The following GABBR2 variants were observed in gnomAD, a reference collection of about 807,000 sequenced individuals.
The protein encoded by GABBR2 is gamma-aminobutyric acid type B receptor subunit 2.
In GABBR2, 23 loss-of-function variants were observed where a neutral mutation model predicts 105.6. The ratio of observed to expected loss-of-function variants is 0.22; its 90% CI spans 0.16 to 0.31. The LOEUF (loss-of-function observed/expected upper bound fraction) is 0.31, where lower values mean the gene tolerates loss of function less well. Ranked by LOEUF, GABBR2 falls within the 10% of genes least tolerant of loss-of-function variation. The pLI is 1.00. For synonymous variants in GABBR2, 478 were observed against 499.7 expected, an observed-to-expected ratio of 0.96 and a Z score of 0.58; for missense variants, 734 against 1,245.5, an observed-to-expected ratio of 0.59 and a Z score of 6.18.
At chr9:98,686,295 C>T (rs1830619791) in intron 1 of GABBR2, among the ~76,000 whole-genome samples, 1 of 152,172 alleles carries the variant, frequency 6.6e-6, no homozygotes, top group South Asian at 2.1e-4. Flanking sequence ...TGGGGTATGG[C>T]TCGCCACTGG....
intron 7 of GABBR2, among the ~76,000 whole-genome samples, chr9:98,439,154 T>C (rs1825985951): frequency 6.6e-6 from 1 of 152,204 alleles, no homozygotes; most frequent in Non-Finnish European, 1.5e-5. Flanking sequence ...GCTGGTTATA[T>C]TTTTACAGTG....
At chr9:98,405,809 T>A (rs1440205844) in intron 8 of GABBR2, among the ~76,000 whole-genome samples, 1 of 152,240 alleles carries the variant, frequency 6.6e-6, no homozygotes, top group African/African-American at 2.4e-5. Flanking sequence ...GACGGAATCA[T>A]CCATTTTTTT....
intron 6 of GABBR2, among the ~76,000 whole-genome samples, chr9:98,466,146 G>C (rs898248487): frequency 6.6e-6 from 1 of 152,204 alleles, no homozygotes; most frequent in East Asian, 1.9e-4. Context: ...TGTACAGCCT[G>C]TGGAACTGTG....
chr9:98,451,440 T>C (rs1312382792), intron 7 of GABBR2, among the ~76,000 whole-genome samples: 1 of 152,224 alleles, frequency 6.6e-6, no homozygotes. Flanking sequence ...AGTGAATTTT[T>C]CAGAGCCTTT....
chr9:98,292,861 G>A (rs994513003), intron 18 of GABBR2, among the ~76,000 whole-genome samples: 2 of 152,126 alleles, frequency 1.3e-5, no homozygotes, highest in Non-Finnish European at 2.9e-5. Context: ...TCGGTGCAGG[G>A]GACACATGAA....
intron 2 of GABBR2, among the ~76,000 whole-genome samples, chr9:98,550,624 T>C (rs1019715248): frequency 6.6e-6 from 1 of 152,186 alleles, no homozygotes; most frequent in African/African-American, 2.4e-5. Flanking sequence ...TTCAGACCCC[T>C]GGACTCCAAA....
chr9:98,290,559 G>A lies in GABBR2; in HGVS notation c.*25C>T. On this transcript the variant is annotated 3_prime_UTR_variant, in exon 19 of 19. Coordinates refer to ENST00000259455, the MANE Select transcript of GABBR2 (RefSeq NM_005458.8). ...CCCAGTGTGGTTCTGTCACGGGGGA[G>A]GCCCCGGGCCCAGGCCTCCCACCCT... 7.4e-7 allele frequency: 1 copy of A among 1,348,982 alleles called. No individual in the cohort carries two copies. The highest frequency in any genetic ancestry group is 9.6e-7 in the Non-Finnish European group (1 of 1,045,310). 83.6% of individuals were successfully genotyped at this position (1,348,982 alleles called of 1,614,324 possible). A position where few individuals can be genotyped will look rare whatever the true frequency, so the allele number is the denominator to read the frequency against.
intron 13 of GABBR2, among the ~76,000 whole-genome samples, chr9:98,312,137 T>TAA (rs1412002395): frequency 6.6e-6 from 1 of 152,266 alleles, no homozygotes; most frequent in Non-Finnish European, 1.5e-5. Flanking sequence ...TTAACACTGA[T>TAA]ACAGTGTATT....
At chr9:98,446,032 A>G (rs192585130) in intron 7 of GABBR2, among the ~76,000 whole-genome samples, 1 of 152,362 alleles carries the variant, frequency 6.6e-6, no homozygotes, top group South Asian at 2.1e-4. Context: ...GTGAATGGCC[A>G]CAGGAGAGAA....
chr9:98,386,791 T>C (rs1832080259), intron 10 of GABBR2, among the ~76,000 whole-genome samples: 2 of 152,190 alleles, frequency 1.3e-5, no homozygotes, highest in African/African-American at 2.4e-5. Context: ...ATTTTAAACA[T>C]GCAATACGTC....
chr9:98,370,549 C>T (rs1831760170), intron 12 of GABBR2, among the ~76,000 whole-genome samples: 1 of 152,128 alleles, frequency 6.6e-6, no homozygotes, highest in Non-Finnish European at 1.5e-5. Flanking sequence ...CAGAAGCGGC[C>T]AGCCTATACT....
At chr9:98,405,127 G>T (rs1215169456) in intron 8 of GABBR2, among the ~76,000 whole-genome samples, 1 of 152,164 alleles carries the variant, frequency 6.6e-6, no homozygotes, top group African/African-American at 2.4e-5. Context: ...AGCAAAAAAA[G>T]GGGGGATGGG....
At chr9:98,641,196 C>T (rs141494881) in intron 1 of GABBR2, among the ~76,000 whole-genome samples, 16 of 151,202 alleles carry the variant, frequency 1.1e-4, no homozygotes, top group Admixed American at 2.6e-4. Context: ...TGCAGTGGCA[C>T]GATCTCGGCT....
intron 13 of GABBR2, among the ~76,000 whole-genome samples, chr9:98,339,166 G>T (rs908607604): frequency 4.6e-5 from 7 of 151,822 alleles, no homozygotes; most frequent in Non-Finnish European, 1.0e-4. Flanking sequence ...TTCTTTTTGG[G>T]GTGACAACGT....
At chr9:98,467,358 C>T (rs1305311522) in intron 6 of GABBR2, among the ~76,000 whole-genome samples, 2 of 152,162 alleles carry the variant, frequency 1.3e-5, no homozygotes, top group African/African-American at 2.4e-5. Context: ...GGCCAGTCAG[C>T]CTTTTCCTTC....
At chr9:98,450,315 T>C (rs7042032) in intron 7 of GABBR2, among the ~76,000 whole-genome samples, 18,002 of 152,168 alleles carry the variant, frequency 0.12, 1,810 homozygotes, top group African/African-American at 0.26. Flanking sequence ...AACTTGGCCT[T>C]CTGTAGTCTC....
At chr9:98,610,775 C>G (rs1829493577) in intron 1 of GABBR2, among the ~76,000 whole-genome samples, 1 of 150,924 alleles carries the variant, frequency 6.6e-6, no homozygotes, top group Non-Finnish European at 1.5e-5. Context: ...GCCTCTAGGA[C>G]TGTGAGAAAA....
At chr9:98,320,859 G>A (rs927786795) in intron 13 of GABBR2, among the ~76,000 whole-genome samples, 7 of 150,408 alleles carry the variant, frequency 4.7e-5, no homozygotes, top group African/African-American at 1.7e-4. Context: ...GGATAGCATT[G>A]GGAGATATAC....
At chr9:98,391,941 C>T (rs1467159781) in intron 9 of GABBR2, among the ~76,000 whole-genome samples, 1 of 152,140 alleles carries the variant, frequency 6.6e-6, no homozygotes, top group African/African-American at 2.4e-5. Flanking sequence ...TGAGAAGCCT[C>T]ACTGGGGGCT....
Sources: allele counts gnomAD v4.1 joint callset (sites outside exome capture counted in the v4.1 genomes callset), GRCh38; gene constraint gnomAD v4.1.1; transcripts MANE v1.5; gene names NCBI Gene and HGNC (gene_info 2026-07-23, HGNC 2026-07-21).